Variants in PTGS2 observed in about 807,000 individuals in gnomAD.
PTGS2 encodes prostaglandin-endoperoxide synthase 2, also known as prostaglandin G/H synthase 2.
A neutral mutation model predicts 63.8 loss-of-function variants in PTGS2; 14 were observed. The observed-to-expected ratio is 0.22, with a 90% confidence interval of 0.14 to 0.34. PTGS2 has a LOEUF of 0.34. Among genes scored for constraint, PTGS2 ranks in the 10% least tolerant of loss-of-function variants. The probability of loss-of-function intolerance (pLI) is 1.00; values close to 1 mark genes in which losing one functional copy is unlikely to be tolerated. For synonymous variants in PTGS2, 271 were observed against 259.5 expected, an observed-to-expected ratio of 1.04 and a Z score of -0.43; for missense variants, 533 against 738.5, an observed-to-expected ratio of 0.72 and a Z score of 3.23.
chr1:186,680,211 T>TC (rs1665853206), intron 1 of PTGS2, 28 bp downstream of exon 1: 1 of 1,549,572 alleles, frequency 6.5e-7, no homozygotes, highest in South Asian at 1.2e-5. Context: ...GGAACCGGAG[T>TC]CCCCGGTGCG....
intron 3 of PTGS2, 57 bp downstream of exon 3, chr1:186,679,001 A>G (rs1665828550): frequency 7.1e-6 from 11 of 1,545,248 alleles, no homozygotes; most frequent in Non-Finnish European, 9.7e-6. Flanking sequence ...TTACAGTATT[A>G]TAAAGCATAT....
chr1:186,677,509 G>T, intron 5 of PTGS2, 140 bp downstream of exon 5: 1 of 876,692 alleles, frequency 1.1e-6, no homozygotes, highest in Non-Finnish European at 1.6e-6. Context: ...ATTCCTTTAA[G>T]GTTTTTATAG....
intron 7 of PTGS2, 96 bp downstream of exon 7, chr1:186,676,371 T>C (rs2102005779): frequency 6.7e-7 from 1 of 1,502,168 alleles, no homozygotes; most frequent in Non-Finnish European, 9.0e-7. Context: ...TGAGTTTTCA[T>C]TTACCACATC....
At chr1:186,677,933 A>G in intron 4 of PTGS2, 103 bp from the exon 5 acceptor site, 1 of 1,115,270 alleles carries the variant, frequency 9.0e-7, no homozygotes, top group Non-Finnish European at 1.3e-6. Flanking sequence ...GAGAATTACA[A>G]TTGTGAATAG....
chr1:186,675,118 A>G, intron 9 of PTGS2, 131 bp downstream of exon 9: 1 of 1,162,518 alleles, frequency 8.6e-7, no homozygotes, highest in Non-Finnish European at 1.2e-6. Context: ...CGGAGGTTGC[A>G]GTGAGCCGAG....
intron 8 of PTGS2, 104 bp from the exon 9 acceptor site, chr1:186,675,500 G>T: frequency 3.8e-6 from 5 of 1,316,866 alleles, no homozygotes; most frequent in Non-Finnish European, 5.2e-6. Flanking sequence ...AACTCCCAGC[G>T]GAGACAATTT....
chr1:186,678,934 T>C, intron 3 of PTGS2, 124 bp downstream of exon 3: 3 of 1,259,688 alleles, frequency 2.4e-6, no homozygotes, highest in Non-Finnish European at 3.2e-6. Context: ...GAAGGCAAAC[T>C]TAAAAGCTAT....
At chr1:186,678,156 G>T (rs1665813860) in intron 4 of PTGS2, 105 bp downstream of exon 4, 13 of 1,212,148 alleles carry the variant, frequency 1.1e-5, no homozygotes, top group South Asian at 2.0e-5. Flanking sequence ...AGTAAAAACT[G>T]CTTTTGTTAA....
chr1:186,677,004 T>C, intron 5 of PTGS2, 88 bp from the exon 6 acceptor site: 1 of 966,028 alleles, frequency 1.0e-6, no homozygotes, highest in Non-Finnish European at 1.6e-6. Flanking sequence ...ATTAAATAAT[T>C]TGATCATTTA....
intron 3 of PTGS2, 124 bp from the exon 4 acceptor site, chr1:186,678,528 A>T (rs940535341): frequency 1.1e-6 from 1 of 915,098 alleles, no homozygotes; most frequent in Non-Finnish European, 1.6e-6. Flanking sequence ...AATAAAAAAA[A>T]TCTATTTTTA....
rs755571974 is a variant in PTGS2, at chr1:186,674,399, T to C, written c.1769A>G (p.Asp590Gly). Reference protein sequence around the residue: ...NASSSRSGLDDINPTVLLKER... With the variant: ...NASSSRSGLDGINPTVLLKER... ...TTTTAGTAGTACTGTGGGATTGATA[T>C]CATCTAGTCCGGAGCGGGAAGAACT... is the stretch of plus-strand genomic sequence containing the variant. Residue 590 changes from aspartate (D) to glycine (G), a missense_variant, in exon 10 of 10, where the codon GAT becomes GGT. This residue lies in a region of PTGS2 where 219 missense variants were observed against 267.4 expected (regional missense o/e 0.82). Coordinates refer to ENST00000367468, the MANE Select transcript of PTGS2 (RefSeq NM_000963.4). 6.2e-6 allele frequency: 10 copies of C among 1,613,836 alleles called. No homozygotes were observed. In the East Asian group the frequency reaches 1.1e-4, roughly 18 times the overall value.
chr1:186,676,779 A>G (rs567785034), intron 6 of PTGS2, 54 bp downstream of exon 6: 2 of 1,595,408 alleles, frequency 1.3e-6, no homozygotes, highest in East Asian at 2.2e-5. Flanking sequence ...TAGGGATTTT[A>G]AAATATGGGT....
rs771520748 is a variant in PTGS2, at chr1:186,674,452, C to G, written c.1716G>C (p.Glu572Asp). ...CATTGATGGTGACTGTTTTAATGAG[C>G]TCTGGATCTGGAACACTGAATGAAG... is the stretch of plus-strand genomic sequence containing the variant. ...PFTSFSVPDP[E>D]LIKTVTINAS... is the part of the protein sequence containing the mutation. Residue 572 changes from glutamate (E) to aspartate (D), a missense_variant, in exon 10 of 10, where the codon GAG becomes GAC. Glu to Asp is a conservative substitution (Grantham distance 45). Coordinates refer to ENST00000367468, the MANE Select transcript of PTGS2 (RefSeq NM_000963.4). 6.2e-7 allele frequency: 1 copy of G among 1,614,074 alleles called. No individual in the cohort carries two copies. Among genetic ancestry groups the G allele is most frequent in the East Asian group, 2.2e-5 (1 of 44,868 alleles).
At chr1:186,675,148 GC>G in intron 9 of PTGS2, 100 bp downstream of exon 9, 1 of 1,480,164 alleles carries the variant, frequency 6.8e-7, no homozygotes, top group Non-Finnish European at 9.2e-7. Context: ...CTGCACTCCA[GC>G]CTGGGTGACA....
rs1665742387 is a variant in PTGS2 at position 186,674,373 on chromosome 1, C to T, written c.1795G>A (p.Glu599Lys). ...DDINPTVLLK[E>K]RSTEL The stretch of plus-strand genomic sequence containing the variant: ...GACTTCTACAGTTCAGTCGAACGTT[C>T]TTTTAGTAGTACTGTGGGATTGATA... The change falls in exon 10 of 10, where the codon GAA becomes AAA. Residue 599 changes from glutamate (E) to lysine (K), a missense_variant. This residue lies in a region of PTGS2 where 219 missense variants were observed against 267.4 expected (regional missense o/e 0.82). Coordinates refer to ENST00000367468, the MANE Select transcript of PTGS2 (RefSeq NM_000963.4). The T allele has an allele frequency of 6.2e-7, 1 of 1,611,420 alleles. No homozygotes were observed. Among genetic ancestry groups the T allele is most frequent in the African/African-American group, 1.3e-5 (1 of 74,950 alleles).
At position 186,680,365 on chromosome 1, in the gene PTGS2, G is replaced by A; in HGVS notation, c.-75C>T. On this transcript the variant is annotated 5_prime_UTR_variant, in exon 1 of 10. Transcript: ENST00000367468. ...GCGTCTGGCTGTGGAGCTGAAGGAGGCGCTGCTGAGGAGTTCCTGGACGTG... is the reference window on the plus strand; with the variant it reads ...GCGTCTGGCTGTGGAGCTGAAGGAGACGCTGCTGAGGAGTTCCTGGACGTG... 2.6e-6 allele frequency: 3 copies of A among 1,175,022 alleles called. No homozygotes were observed. The Admixed American group carries it at 7.4e-5, about 29-fold the overall frequency. 72.8% of individuals were successfully genotyped at this position (1,175,022 alleles called of 1,614,324 possible). A position where few individuals can be genotyped will look rare whatever the true frequency, so the allele number is the denominator to read the frequency against.
chr1:186,676,969 TAA>T (rs923554365), intron 5 of PTGS2, 53 bp from the exon 6 acceptor site: 1 of 1,298,248 alleles, frequency 7.7e-7, no homozygotes, highest in African/African-American at 1.5e-5. Context: ...TTTTCTTATA[TAA>T]AGTGTCTATC....
chr1:186,680,388 G>T lies in PTGS2; in HGVS notation c.-98C>A. 1.2e-6 allele frequency: 1 copy of T among 853,226 alleles called. No individual in the cohort carries two copies. The highest frequency in any genetic ancestry group is 1.8e-6 in the Non-Finnish European group (1 of 566,844). 52.9% of individuals were successfully genotyped at this position (853,226 alleles called of 1,614,324 possible). A position where few individuals can be genotyped will look rare whatever the true frequency, so the allele number is the denominator to read the frequency against. On this transcript the variant is annotated 5_prime_UTR_variant, in exon 1 of 10. Coordinates refer to ENST00000367468, the MANE Select transcript of PTGS2 (RefSeq NM_000963.4). ...AGGCGCTGCTGAGGAGTTCCTGGAC[G>T]TGCTCCTGACGCTCACTGCAAGTCG...
rs1440434396 is a variant in PTGS2, at chr1:186,677,685, C to A, written c.603G>T (p.Lys201Asn). ...FTHQFFKTDH[K>N]RGPAFTNGLG... is the part of the protein sequence containing the mutation. The stretch of plus-strand genomic sequence containing the variant: ...GCCCGTTGGTGAAAGCTGGCCCTCG[C>A]TTATGATCTGTCTTGAAAAACTGAT... Residue 201 changes from lysine (K) to asparagine (N), a missense_variant, in exon 5 of 10, where the codon AAG (lysine) becomes AAT (asparagine). Transcript: ENST00000367468. 3.1e-6 allele frequency: 5 copies of A among 1,613,582 alleles called. No individual in the cohort carries two copies. The highest frequency in any genetic ancestry group is 4.2e-6 in the Non-Finnish European group (5 of 1,179,820).
Sources: allele counts gnomAD v4.1 joint callset, GRCh38; gene constraint gnomAD v4.1.1; regional missense constraint gnomAD v4.1.1; transcripts MANE v1.5; gene names NCBI Gene and HGNC (gene_info 2026-07-23, HGNC 2026-07-21).